RNF6: variants seen among roughly 807,000 people sequenced by gnomAD.
RNF6 encodes the protein E3 ubiquitin-protein ligase RNF6.
In RNF6, 21 loss-of-function variants were observed where a neutral mutation model predicts 50.1. The observed-to-expected ratio is 0.42, with a 90% confidence interval of 0.30 to 0.60. The LOEUF is 0.60. Among genes scored for constraint, RNF6 ranks in the 20% least tolerant of loss-of-function variants. RNF6 has a pLI of 0.20. For missense variants in RNF6, 698 were observed against 838.2 expected, an observed-to-expected ratio of 0.83 and a Z score of 2.07; for synonymous variants, 255 against 291.8, an observed-to-expected ratio of 0.87 and a Z score of 1.29.
At chr13:26,149,932 ACACAGTG>A (rs1335308729) in intron 5 of RNF6, among the ~76,000 whole-genome samples, 11 of 96,548 alleles carry the variant, frequency 1.1e-4, no homozygotes, top group Non-Finnish European at 1.6e-4. Flanking sequence ...ATATATATAT[ACACAGTG>A]TATATATAAT....
At chr13:26,178,697 G>A (rs1873091085) in intron 5 of RNF6, among the ~76,000 whole-genome samples, 1 of 146,732 alleles carries the variant, frequency 6.8e-6, no homozygotes, top group African/African-American at 2.5e-5. Flanking sequence ...ATATTGTATT[G>A]TTAACTACAG....
chr13:26,158,335 G>A (rs1872046044), intron 5 of RNF6, among the ~76,000 whole-genome samples: 1 of 152,166 alleles, frequency 6.6e-6, no homozygotes, highest in Admixed American at 6.5e-5. Flanking sequence ...TGAGCAGCAC[G>A]TGTGTATATA....
At chr13:26,142,761 C>G (rs564979807) in intron 5 of RNF6, among the ~76,000 whole-genome samples, 2 of 152,060 alleles carry the variant, frequency 1.3e-5, no homozygotes, top group African/African-American at 4.8e-5. Context: ...AAAAACATTC[C>G]AACTGGGTAC....
intron 5 of RNF6, among the ~76,000 whole-genome samples, chr13:26,192,406 G>A (rs186858368): frequency 6.6e-6 from 1 of 152,294 alleles, no homozygotes; most frequent in Admixed American, 6.5e-5. Flanking sequence ...AGGAGTCAAG[G>A]ATGATGTGGC....
At chr13:26,209,281 C>T (rs922805983), downstream of RNF6, among the ~76,000 whole-genome samples, 3 of 152,158 alleles carry the variant, frequency 2.0e-5, no homozygotes, top group African/African-American at 7.2e-5. Context: ...TCCCTTGGTG[C>T]CTTTTCTGAA....
intron 5 of RNF6, among the ~76,000 whole-genome samples, chr13:26,207,209 A>C (rs1212503897): frequency 6.6e-6 from 1 of 150,584 alleles, no homozygotes; most frequent in Non-Finnish European, 1.5e-5. Context: ...AGGCCATTTT[A>C]GGAAGAGAGA....
intron 5 of RNF6, among the ~76,000 whole-genome samples, chr13:26,139,783 C>T (rs573359009): frequency 1.3e-5 from 2 of 152,230 alleles, no homozygotes; most frequent in South Asian, 2.1e-4. Context: ...CATATGTTTA[C>T]TCTTAAGTCC....
intron 5 of RNF6, among the ~76,000 whole-genome samples, chr13:26,165,255 G>A (rs113531188): frequency 2.4e-4 from 37 of 152,322 alleles, no homozygotes; most frequent in African/African-American, 5.3e-4. Context: ...CCAGTGCACC[G>A]AAGTCAAGAA....
chr13:26,160,538 CTTCTTCT>C (rs1872153414), intron 5 of RNF6, among the ~76,000 whole-genome samples: 33 of 52,764 alleles, frequency 6.3e-4, no homozygotes, highest in South Asian at 1.8e-3. Context: ...TTCTTCTCTT[CTTCTTCT>C]TTTTTTTTTT....
intron 5 of RNF6, among the ~76,000 whole-genome samples, chr13:26,186,566 A>G (rs1490481720): frequency 1.3e-5 from 2 of 152,202 alleles, no homozygotes; most frequent in African/African-American, 4.8e-5. Flanking sequence ...GTACACGCGC[A>G]CACCGCCAGC....
rs1870568589 is a variant in RNF6 at position 26,222,034 on chromosome 13, C to T, written c.-133G>A. 1.3e-5 allele frequency: 2 copies of T among 152,294 alleles called. No individual in the cohort carries two copies. The highest frequency in any genetic ancestry group is 2.9e-5 in the Non-Finnish European group (2 of 68,082). The allele number at this position is 152,294 out of a possible 1,614,324, so 9.4% of individuals were successfully genotyped here. A position where few individuals can be genotyped will look rare whatever the true frequency, so the allele number is the denominator to read the frequency against. ...AGGTCTTGGGCCTTCGCCCTCCTGT[C>T]CGGAGAACGTGTGCTGTGGGCGGCC... On this transcript the variant is annotated 5_prime_UTR_variant, in exon 1 of 5. Transcript: ENST00000381588.
In RNF6 at chr13:26,148,403, T is replaced by G. The variant is rs111812058; in HGVS notation, n.769-15952A>C. On this transcript the variant is annotated intron_variant and non_coding_transcript_variant, in intron 5 of 5. Transcript: ENST00000468480. ...AATGATCTAATTGTGATAATTTGCA[T>G]ATTTCTATGGCCAGATCACACCATG... Among the ~76,000 whole-genome samples the G allele has an allele frequency of 7.3e-3, 1,105 of 151,988 alleles. 10 individuals carry two copies. Among genetic ancestry groups the G allele is most frequent in the African/African-American group, 0.025 (1,057 of 41,476 alleles).
chr13:26,174,021 T>C (rs1014029545), intron 5 of RNF6, among the ~76,000 whole-genome samples: 4 of 152,176 alleles, frequency 2.6e-5, no homozygotes, highest in Non-Finnish European at 5.9e-5. Flanking sequence ...TGTTTATTCT[T>C]AATGGTGAGA....
intron 5 of RNF6, among the ~76,000 whole-genome samples, chr13:26,198,313 C>T (rs1868758120): frequency 6.6e-6 from 1 of 151,808 alleles, no homozygotes; most frequent in Non-Finnish European, 1.5e-5. Context: ...CCTTCTTGCT[C>T]AGAAGAGGTC....
At chr13:26,216,323 C>G (rs1442434275) in intron 4 of RNF6, among the ~76,000 whole-genome samples, 1 of 152,126 alleles carries the variant, frequency 6.6e-6, no homozygotes, top group Non-Finnish European at 1.5e-5. Context: ...TAAAAAGCCA[C>G]CCCATAAATG....
At chr13:26,178,130 A>G (rs1226487554) in intron 5 of RNF6, among the ~76,000 whole-genome samples, 1 of 152,204 alleles carries the variant, frequency 6.6e-6, no homozygotes, top group Non-Finnish European at 1.5e-5. Flanking sequence ...CAGAGGTTGC[A>G]GTGAGACAAG....
In RNF6 at chr13:26,179,090, A is replaced by G. The variant is rs538280259; in HGVS notation, n.768+36384T>C. 8.5e-5 allele frequency among the ~76,000 whole-genome samples: 13 copies of G among 152,286 alleles called. 1 individual carries two copies. The East Asian group carries it at 1.7e-3, about 20-fold the overall frequency. On this transcript the variant is annotated intron_variant and non_coding_transcript_variant, in intron 5 of 5. Transcript: ENST00000468480. ...GTTATCAATCCCAGAGGAGGACTCT[A>G]AACACCTTGCCAGTTTCTGCTAAAG...
chr13:26,176,392 C>T (rs1051938487), intron 5 of RNF6, among the ~76,000 whole-genome samples: 9 of 152,108 alleles, frequency 5.9e-5, no homozygotes, highest in African/African-American at 2.2e-4. Flanking sequence ...TGAGCTCAAG[C>T]GATCCTCCCA....
At chr13:26,185,262 A>G (rs1234992585) in intron 5 of RNF6, among the ~76,000 whole-genome samples, 1 of 152,088 alleles carries the variant, frequency 6.6e-6, no homozygotes, top group African/African-American at 2.4e-5. Context: ...TCGGCCTCCA[A>G]AAGTGCTGGA....
Sources: allele counts gnomAD v4.1 joint callset (sites outside exome capture counted in the v4.1 genomes callset), GRCh38; gene constraint gnomAD v4.1.1; transcripts MANE v1.5; gene names NCBI Gene and HGNC (gene_info 2026-07-23, HGNC 2026-07-21).